MUL1: variants seen among roughly 807,000 people sequenced by gnomAD.
MUL1 encodes mitochondrial E3 ubiquitin protein ligase 1.
Under a neutral mutation model 34.1 loss-of-function variants are expected in MUL1, and 30 were observed. That is an observed-to-expected ratio of 0.88 (90% CI 0.66 to 1.19). The LOEUF is 1.19. Ranked by LOEUF, MUL1 falls within the 50% of genes most tolerant of loss-of-function variation. MUL1 has a pLI of 0.00. For missense variants in MUL1, 419 were observed against 450.5 expected (o/e 0.93, Z 0.63); for synonymous variants, 191 against 187.8 (o/e 1.02, Z -0.14).
In MUL1 at chr1:20,501,303, T is replaced by C. The variant is rs770212403; in HGVS notation, c.446A>G (p.Asp149Gly). 2 of 1,614,032 alleles carry C rather than the reference T, an allele frequency of 1.2e-6. No individual in the cohort carries two copies. The highest frequency in any genetic ancestry group is 1.7e-6 in the Non-Finnish European group (2 of 1,180,036). ...CTCATACACAGTCTCTAGACCCAGATCCACTGAGTCCAGGGGCTTCAGCAC... is the reference window on the plus strand; with the variant it reads ...CTCATACACAGTCTCTAGACCCAGACCCACTGAGTCCAGGGGCTTCAGCAC... ...VRVLKPLDSV[D>G]LGLETVYEKF... Residue 149 changes from aspartate (D) to glycine (G), a missense_variant, in exon 4 of 4, where the codon GAT (aspartate) becomes GGT (glycine). Physicochemically the swap from Asp to Gly is moderately conservative, Grantham distance 94. Transcript: ENST00000264198. This position sits in a 1 kb window ranked among gnomAD's most constrained non-coding sequence, Gnocchi z 4.2.
chr1:20,507,937 G>A lies in MUL1; in HGVS notation c.88C>T (p.Arg30Trp). 1.3e-6 allele frequency: 2 copies of A among 1,597,048 alleles called. No homozygotes were observed. Among genetic ancestry groups the A allele is most frequent in the Non-Finnish European group, 1.7e-6 (2 of 1,172,720 alleles). ...VVTAALYSVY[R>W]QKARVSQELK... ...TCTTGGGAGACCCGGGCCTTCTGCC[G>A]GTACACGGAGTACAGGGCGGCGGTG... is the stretch of plus-strand genomic sequence containing the variant. The change falls in exon 1 of 4, where the codon CGG becomes TGG. Residue 30 changes from arginine to tryptophan, a missense_variant. Arg to Trp is a moderately radical substitution (Grantham distance 101). Transcript: ENST00000264198.
chr1:20,503,564 T>C (rs1053943243), intron 1 of MUL1, among the ~76,000 whole-genome samples: 1 of 152,144 alleles, frequency 6.6e-6, no homozygotes, highest in African/African-American at 2.4e-5. Context: ...CCAAAACCTA[T>C]ACTCCTTTTC....
At chr1:20,506,398 A>C (rs1329705015) in intron 1 of MUL1, among the ~76,000 whole-genome samples, 1 of 152,214 alleles carries the variant, frequency 6.6e-6, no homozygotes, top group Non-Finnish European at 1.5e-5. Flanking sequence ...GACCAGTCAG[A>C]TAGTCACAAT....
chr1:20,501,932 A>T lies in MUL1; in HGVS notation c.329+137T>A, dbSNP rs140996959. The stretch of plus-strand genomic sequence containing the variant: ...CATAGGAGGCCCACAGGCTACACAC[A>T]AGAATATGACCTGCATTAAGAGACT... On this transcript the variant is annotated intron_variant, in intron 3 of 3. Transcript: ENST00000264198. The surrounding 1 kb of genome is among the most constrained non-coding windows in gnomAD (Gnocchi z 4.2). 3.5e-4 allele frequency: 401 copies of T among 1,130,758 alleles called. No individual in the cohort carries two copies. The highest frequency in any genetic ancestry group is 8.1e-4 in the Admixed American group (38 of 46,806). 70.0% of individuals were successfully genotyped at this position (1,130,758 alleles called of 1,614,324 possible). A position where few individuals can be genotyped will look rare whatever the true frequency, so the allele number is the denominator to read the frequency against.
chr1:20,508,147 C>A lies in MUL1; in HGVS notation c.-123G>T. On this transcript the variant is annotated 5_prime_UTR_variant, in exon 1 of 4. Transcript: ENST00000264198. ...CCTAACCTGACCGGAAACTCGAAAT[C>A]AGTCGCCCAGCGATGACGCACGACG... 7.2e-7 allele frequency: 1 copy of A among 1,392,542 alleles called. No homozygotes were observed. The highest frequency in any genetic ancestry group is 9.6e-7 in the Non-Finnish European group (1 of 1,046,286). The allele number at this position is 1,392,542 out of a possible 1,614,324, so 86.3% of individuals were successfully genotyped here. A position where few individuals can be genotyped will look rare whatever the true frequency, so the allele number is the denominator to read the frequency against.
chr1:20,502,941 A>G (rs970810578), intron 2 of MUL1, among the ~76,000 whole-genome samples: 1 of 152,126 alleles, frequency 6.6e-6, no homozygotes, highest in Non-Finnish European at 1.5e-5. Context: ...CATAAGTCAC[A>G]TTTTAGAAGC....
intron 1 of MUL1, among the ~76,000 whole-genome samples, chr1:20,505,419 A>G (rs2051703782): frequency 6.6e-6 from 1 of 151,938 alleles, no homozygotes; most frequent in Admixed American, 6.6e-5. Context: ...CCCCATCTCT[A>G]TGAAAAATAA....
At chr1:20,503,147 A>G (rs982840933) in intron 2 of MUL1, 75 bp downstream of exon 2, 2 of 1,102,490 alleles carry the variant, frequency 1.8e-6, no homozygotes, top group East Asian at 4.9e-5. Flanking sequence ...AAGGCTCTTC[A>G]TATTAGCCAA....
chr1:20,501,447 A>G lies in MUL1; in HGVS notation c.330-28T>C. 1 of 1,590,568 alleles carries G rather than the reference A, an allele frequency of 6.3e-7. No homozygotes were observed. Among genetic ancestry groups the G allele is most frequent in the Non-Finnish European group, 8.6e-7 (1 of 1,166,406 alleles). Reference sequence around the variant, plus strand: ...AGAAGAATAAGAGAACTAAAGATACAGGGTAGCAAACAGCAAACACCCAGG... The same window carrying G: ...AGAAGAATAAGAGAACTAAAGATACGGGGTAGCAAACAGCAAACACCCAGG... On this transcript the variant is annotated intron_variant, in intron 3 of 3. Coordinates refer to ENST00000264198, the MANE Select transcript of MUL1 (RefSeq NM_024544.3). The surrounding 1 kb of genome is among the most constrained non-coding windows in gnomAD (Gnocchi z 4.2).
At position 20,501,950 on chromosome 1, in the gene MUL1, A is replaced by G. The variant is rs1213541353; in HGVS notation, c.329+119T>C. ...TACACACAAGAATATGACCTGCATT[A>G]AGAGACTGGGCTTCAACCTGTCTCA... On this transcript the variant is annotated intron_variant, in intron 3 of 3. Transcript: ENST00000264198. This position sits in a 1 kb window ranked among gnomAD's most constrained non-coding sequence, Gnocchi z 4.2. 3.9e-6 allele frequency: 5 copies of G among 1,288,284 alleles called. No homozygotes were observed. The highest frequency in any genetic ancestry group is 5.5e-6 in the Non-Finnish European group (5 of 906,904). The allele number at this position is 1,288,284 out of a possible 1,614,324, so 79.8% of individuals were successfully genotyped here.
intron 1 of MUL1, 36 bp downstream of exon 1, chr1:20,507,869 T>C (rs1258841553): frequency 8.2e-6 from 13 of 1,587,398 alleles, no homozygotes; most frequent in Non-Finnish European, 1.1e-5. Context: ...GGGACAGAGA[T>C]GACCCGGCTG....
In MUL1 at chr1:20,501,571, A is replaced by AT; in HGVS notation, c.330-153_330-152insA. The stretch of plus-strand genomic sequence containing the variant: ...TATCTCCAGTTGCCTCCTAACAAGG[A>AT]GGCTCCATTTGTAGGTCCTGGGGCG... On this transcript the variant is annotated intron_variant, in intron 3 of 3. Transcript: ENST00000264198. This position sits in a 1 kb window ranked among gnomAD's most constrained non-coding sequence, Gnocchi z 4.2. 1.2e-6 allele frequency: 1 copy of AT among 856,762 alleles called. No homozygotes were observed. Among genetic ancestry groups the AT allele is most frequent in the Non-Finnish European group, 1.8e-6 (1 of 570,524 alleles). The allele number at this position is 856,762 out of a possible 1,614,324, so 53.1% of individuals were successfully genotyped here.
At chr1:20,507,601 C>T (rs1439163081) in intron 1 of MUL1, among the ~76,000 whole-genome samples, 1 of 152,254 alleles carries the variant, frequency 6.6e-6, no homozygotes, top group Non-Finnish European at 1.5e-5. Flanking sequence ...GATGGACTTT[C>T]ATCTGTTCGA....
At chr1:20,505,105 A>G (rs1195422185) in intron 1 of MUL1, among the ~76,000 whole-genome samples, 1 of 152,140 alleles carries the variant, frequency 6.6e-6, no homozygotes, top group African/African-American at 2.4e-5. Context: ...CCAAAACCAT[A>G]AAGGACAGGG....
chr1:20,508,077 C>T lies in MUL1; in HGVS notation c.-53G>A. The T allele has an allele frequency of 2.6e-6, 4 of 1,554,808 alleles. No homozygotes were observed. Among genetic ancestry groups the T allele is most frequent in the Non-Finnish European group, 3.5e-6 (4 of 1,150,464 alleles). ...GTGGCGCCAAGGATAGGCCTGGTGA[C>T]CCCCGACTCTCCACCTCCTTCCGAC... is the stretch of plus-strand genomic sequence containing the variant. On this transcript the variant is annotated 5_prime_UTR_variant, in exon 1 of 4. Transcript: ENST00000264198.
At chr1:20,504,808 T>C (rs80274432) in intron 1 of MUL1, among the ~76,000 whole-genome samples, 24,323 of 152,230 alleles carry the variant, frequency 0.16, 2,009 homozygotes, top group South Asian at 0.19. Context: ...AAATATACTA[T>C]GTACCAGGCA....
In MUL1 at chr1:20,500,614, C is replaced by T. The variant is rs41265061; in HGVS notation, c.*76G>A. On this transcript the variant is annotated 3_prime_UTR_variant, in exon 4 of 4. Transcript: ENST00000264198. ...GACAGCTACCCCCACCACTGCTCCT[C>T]CAAAGGCCTCGAGATAAAAATCCCT... 25,730 of 1,508,424 alleles carry T rather than the reference C, an allele frequency of 0.017. 261 individuals are homozygous for T. The highest frequency in any genetic ancestry group is 0.02 in the Non-Finnish European group (22,538 of 1,130,306). 93.4% of individuals were successfully genotyped at this position (1,508,424 alleles called of 1,614,324 possible).
intron 1 of MUL1, among the ~76,000 whole-genome samples, chr1:20,504,923 G>A (rs1178092191): frequency 1.3e-5 from 2 of 152,186 alleles, no homozygotes; most frequent in Non-Finnish European, 2.9e-5. Context: ...GCTCAGAGAG[G>A]TGAAGTGATT....
Position 20,501,045 on chromosome 1 carries a change from G to A in MUL1, c.704C>T (p.Ser235Leu), listed in dbSNP as rs772458760. Residue 235 changes from serine (S) to leucine (L), a missense_variant, in exon 4 of 4, where the codon TCG becomes TTG. Coordinates refer to ENST00000264198, the MANE Select transcript of MUL1 (RefSeq NM_024544.3). This position sits in a 1 kb window ranked among gnomAD's most constrained non-coding sequence, Gnocchi z 4.2. ...CAGCACCTTCCAGAGCCTGACGCTC[G>A]ACTCCTGCCTCTGCAGCAGGCTGTC... ...DFDSLLQRQE[S>L]SVRLWKVLAL... is the part of the protein sequence containing the mutation. 15 of 1,614,076 alleles carry A rather than the reference G, an allele frequency of 9.3e-6. No homozygotes were observed. Among genetic ancestry groups the A allele is most frequent in the East Asian group, 8.9e-5 (4 of 44,882 alleles).
Sources: allele counts gnomAD v4.1 joint callset (sites outside exome capture counted in the v4.1 genomes callset), GRCh38; gene constraint gnomAD v4.1.1; non-coding constraint Gnocchi (gnomAD v3.1); transcripts MANE v1.5; gene names NCBI Gene and HGNC (gene_info 2026-07-23, HGNC 2026-07-21).